Variants in CZIB observed in about 807,000 individuals in gnomAD.
The protein encoded by CZIB is UPF0587 protein C1orf123.
CZIB carries 26 observed loss-of-function variants against 28.3 expected under a neutral mutation model. The ratio of observed to expected loss-of-function variants is 0.92; its 90% confidence interval spans 0.67 to 1.27. The LOEUF (loss-of-function observed/expected upper bound fraction) is 1.27, where lower values mean the gene tolerates loss of function less well. Among genes scored for constraint, CZIB ranks in the 50% most tolerant of loss-of-function variants. The pLI is 0.00. For synonymous variants in CZIB, 78 were observed against 71.1 expected (o/e 1.10, Z -0.49); for missense variants, 179 against 197.3 (o/e 0.91, Z 0.56).
intron 2 of CZIB, chr1:53,220,006 T>C (rs1259765671): frequency 2.2e-6 from 1 of 462,550 alleles, no homozygotes; most frequent in Non-Finnish European, 3.8e-6. Flanking sequence ...TCAAGTAGCA[T>C]TTCGTTTAGT....
Position 53,214,398 on chromosome 1 carries a change from G to C in CZIB, c.*261C>G. On this transcript the variant is annotated 3_prime_UTR_variant, in exon 8 of 8. Transcript: ENST00000294360. The stretch of plus-strand genomic sequence containing the variant: ...TTAAAAATACTCTTCATTTTCCTAA[G>C]GAGTGAACTGCTGCTGCACGAATTC... The C allele has an allele frequency of 2.2e-6, 1 of 456,492 alleles. No individual in the cohort carries two copies. The highest frequency in any genetic ancestry group is 4.0e-6 in the Non-Finnish European group (1 of 252,400). 28.3% of individuals were successfully genotyped at this position (456,492 alleles called of 1,614,324 possible).
intron 1 of CZIB, 45 bp from the exon 2 acceptor site, chr1:53,220,389 G>A (rs767425733): frequency 3.8e-6 from 6 of 1,599,540 alleles, no homozygotes; most frequent in South Asian, 1.1e-5. Context: ...TGCCTGCGCA[G>A]CCCCACGCCT....
rs1316787773 is a variant in CZIB, at chr1:53,220,092, G to C, written c.90+169C>G. ...AAGCTTTCCAAGACTGCCAATTAGAGATAAACCAATACACTTTAATAGAAA... is the reference window on the plus strand; with the variant it reads ...AAGCTTTCCAAGACTGCCAATTAGACATAAACCAATACACTTTAATAGAAA... On this transcript the variant is annotated intron_variant, in intron 2 of 7. Transcript: ENST00000294360. The C allele has an allele frequency of 4.8e-6, 3 of 621,418 alleles. No homozygotes were observed. The East Asian group carries it at 8.6e-5, about 18-fold the overall frequency. The allele number at this position is 621,418 out of a possible 1,614,324, so 38.5% of individuals were successfully genotyped here.
chr1:53,216,045 A>C lies in CZIB; in HGVS notation c.351T>G (p.Ala117=), dbSNP rs756774484. The stretch of plus-strand genomic sequence containing the variant: ...CTGTCCCTGACTCCACACCTTCAGC[A>C]GCAAACCCAGCCTGCAGGGCACAAG... The part of the protein sequence containing the change: ...PVDFQPQAGF[A]AEGVESGTAF... Residue 117 remains alanine, a synonymous_variant, in exon 7 of 8, where the codon GCT becomes GCG. Transcript: ENST00000294360. 1 of 1,614,162 alleles carries C rather than the reference A, an allele frequency of 6.2e-7. No homozygotes were observed. The highest frequency in any genetic ancestry group is 8.5e-7 in the Non-Finnish European group (1 of 1,180,002).
In CZIB at chr1:53,214,636, G is replaced by A; in HGVS notation, c.*23C>T. On this transcript the variant is annotated 3_prime_UTR_variant, in exon 8 of 8. Transcript: ENST00000294360. ...TACTTTGTCCTTTCTCAGTTCTTAA[G>A]GGCAACTGGGAAGGAAGAGGGATCA... 1 of 1,607,994 alleles carries A rather than the reference G, an allele frequency of 6.2e-7. No homozygotes were observed. The highest frequency in any genetic ancestry group is 8.5e-7 in the Non-Finnish European group (1 of 1,174,816).
Position 53,220,294 on chromosome 1 carries a change from C to G in CZIB, c.57G>C (p.Arg19=), listed in dbSNP as rs768856135. The change falls in exon 2 of 8, where the codon CGG becomes CGC. Residue 19 remains arginine, a synonymous_variant. Transcript: ENST00000294360. The stretch of plus-strand genomic sequence containing the variant: ...ACCACCGGAAGTCCTCGCCCACGGG[C>G]CGGAGGTTGGTGATGTTCTCCAGCG... The part of the protein sequence containing the change: ...KATLENITNL[R]PVGEDFRWYL... The G allele has an allele frequency of 2.2e-5, 35 of 1,613,516 alleles. No homozygotes were observed. The Admixed American group carries it at 3.7e-4, about 17-fold the overall frequency.
chr1:53,214,614 T>C lies in CZIB; in HGVS notation c.*45A>G, dbSNP rs1223364753. On this transcript the variant is annotated 3_prime_UTR_variant, in exon 8 of 8. Coordinates refer to ENST00000294360, the MANE Select transcript of CZIB (RefSeq NM_017887.3). ...CTGTGGGCTCTGCTGCTTAGAGTAC[T>C]TTGTCCTTTCTCAGTTCTTAAGGGC... The C allele has an allele frequency of 6.4e-7, 1 of 1,556,042 alleles. No individual in the cohort carries two copies. The highest frequency in any genetic ancestry group is 2.2e-5 in the East Asian group (1 of 44,616).
intron 6 of CZIB, among the ~76,000 whole-genome samples, 169 bp from the exon 7 acceptor site, chr1:53,216,225 G>A (rs115884122): frequency 3.3e-5 from 5 of 152,214 alleles, no homozygotes; most frequent in Middle Eastern, 3.2e-3. Context: ...CCCGGCAGCT[G>A]CCTCAGAACT....
At chr1:53,216,200 G>T in intron 6 of CZIB, 144 bp from the exon 7 acceptor site, 1 of 712,382 alleles carries the variant, frequency 1.4e-6, no homozygotes, top group Non-Finnish European at 2.4e-6. Flanking sequence ...TGGAATAACT[G>T]CTGAGCTTCC....
chr1:53,218,995 T>C (rs1645493063), intron 2 of CZIB, 72 bp from the exon 3 acceptor site: 2 of 1,329,472 alleles, frequency 1.5e-6, no homozygotes, highest in African/African-American at 1.5e-5. Context: ...GTAAGAACAG[T>C]GGGAGGTGGG....
rs1645458508 is a variant in CZIB, at chr1:53,214,735, T to C, written c.407A>G (p.Asp136Gly). ...GGCCTTTTCATCATAGTCAGTCCAG[T>C]CCTGGGAAACAAAATGGCATTGTTA... is the stretch of plus-strand genomic sequence containing the variant. ...AFSDINLQEK[D>G]WTDYDEKAQE... The change falls in exon 8 of 8, where the codon GAC (aspartate) becomes GGC (glycine). Residue 136 changes from aspartate to glycine, a missense_variant and splice_region_variant. Asp to Gly is a moderately conservative substitution (Grantham distance 94). Coordinates refer to ENST00000294360, the MANE Select transcript of CZIB (RefSeq NM_017887.3). 2 of 1,613,798 alleles carry C rather than the reference T, an allele frequency of 1.2e-6. No individual in the cohort carries two copies. The highest frequency in any genetic ancestry group is 1.1e-5 in the South Asian group (1 of 91,076).
intron 5 of CZIB, 84 bp from the exon 6 acceptor site, chr1:53,216,943 C>G: frequency 8.5e-7 from 1 of 1,178,836 alleles, no homozygotes; most frequent in Non-Finnish European, 1.3e-6. Flanking sequence ...GCCAAATGGG[C>G]ACTTACTGCC....
Position 53,214,710 on chromosome 1 carries a change from G to A in CZIB, c.432C>T (p.Ala144=). 1 of 1,614,008 alleles carries A rather than the reference G, an allele frequency of 6.2e-7. No homozygotes were observed. The highest frequency in any genetic ancestry group is 1.3e-5 in the African/African-American group (1 of 75,022). Residue 144 remains alanine (A), a synonymous_variant, in exon 8 of 8, where the codon GCC becomes GCT. Transcript: ENST00000294360. The stretch of plus-strand genomic sequence containing the variant: ...CCTCATAGATTCCCACAGACTCCTG[G>A]GCCTTTTCATCATAGTCAGTCCAGT... ...EKDWTDYDEK[A]QESVGIYEVT... is the part of the protein sequence containing the mutation.
chr1:53,216,108 C>CTA (rs1557721549), intron 6 of CZIB, 52 bp from the exon 7 acceptor site: 1 of 1,588,936 alleles, frequency 6.3e-7, no homozygotes, highest in African/African-American at 1.3e-5. Flanking sequence ...AGGCATTGGG[C>CTA]TATAAGTAAG....
rs927095044 is a variant in CZIB, at chr1:53,214,319, G to T, written c.*340C>A. 1 of 240,640 alleles carries T rather than the reference G, an allele frequency of 4.2e-6. No individual in the cohort carries two copies. The highest frequency in any genetic ancestry group is 2.2e-5 in the African/African-American group (1 of 45,460). The allele number at this position is 240,640 out of a possible 1,614,324, so 14.9% of individuals were successfully genotyped here. On this transcript the variant is annotated 3_prime_UTR_variant, in exon 8 of 8. Coordinates refer to ENST00000294360, the MANE Select transcript of CZIB (RefSeq NM_017887.3). Reference sequence around the variant, plus strand: ...GCTTCTGGCTCATTGAGTGATGGTGGGATCGCGGTTTCATCTCTGTAAACT... The same window carrying T: ...GCTTCTGGCTCATTGAGTGATGGTGTGATCGCGGTTTCATCTCTGTAAACT...
At chr1:53,219,276 A>C (rs968712007) in intron 2 of CZIB, 5 of 323,136 alleles carry the variant, frequency 1.5e-5, no homozygotes, top group Non-Finnish European at 2.4e-5. Flanking sequence ...AATAAGTTCT[A>C]GTGTTCTATA....
chr1:53,218,472 G>GC lies in CZIB; in HGVS notation c.170dup (p.Arg58ProfsTer32). 6.2e-7 allele frequency: 1 copy of GC among 1,614,096 alleles called. No homozygotes were observed. Among genetic ancestry groups the GC allele is most frequent in the South Asian group, 1.1e-5 (1 of 91,072 alleles). ...TCTGGACCATGGAAGCACTGCCACGGCCCCCCTTCAGTGCCACACTGTCCT... is the reference window on the plus strand; with the variant it reads ...TCTGGACCATGGAAGCACTGCCACGGCCCCCCCTTCAGTGCCACACTGTCCT... On this transcript the variant is annotated frameshift_variant, in exon 4 of 8. Transcript: ENST00000294360. LOFTEE classifies it high-confidence loss of function.
At chr1:53,216,750 G>T (rs756050128) in intron 6 of CZIB, 32 bp downstream of exon 6, 1 of 1,603,622 alleles carries the variant, frequency 6.2e-7, no homozygotes, top group Non-Finnish European at 8.5e-7. Context: ...CCTCCCCAAA[G>T]ACAAAGATTC....
chr1:53,216,353 C>A (rs919222320), intron 6 of CZIB, among the ~76,000 whole-genome samples: 5 of 152,176 alleles, frequency 3.3e-5, no homozygotes, highest in Non-Finnish European at 7.3e-5. Context: ...CCAGGTTGGA[C>A]CTTAGTTATT....
Sources: gnomAD v4.1 joint callset for allele counts (sites outside exome capture counted in the v4.1 genomes callset) on GRCh38, gnomAD v4.1.1 for gene constraint, MANE v1.5 for transcripts, NCBI Gene and HGNC (gene_info 2026-07-23, HGNC 2026-07-21) for gene names.